GMDS: variants seen among roughly 807,000 people sequenced by gnomAD.
GMDS encodes GDP-mannose 4,6-dehydratase, also known as GDP-mannose 4,6 dehydratase.
GMDS carries 20 observed loss-of-function variants against 49.9 expected under a neutral mutation model. That is an observed-to-expected ratio of 0.40 (90% CI 0.28 to 0.58). The LOEUF (loss-of-function observed/expected upper bound fraction) is 0.58. Ranked by LOEUF, GMDS falls within the 20% of genes least tolerant of loss-of-function variation. GMDS has a pLI of 0.42. For missense variants in GMDS, 362 were observed against 481.4 expected (o/e 0.75, Z 2.32); for synonymous variants, 177 against 178.6 (o/e 0.99, Z 0.07).
rs182383970 is a variant in GMDS, at chr6:1,937,609, A to G, written c.644-7379T>C. Among the ~76,000 whole-genome samples, 87 of 152,278 alleles carry G rather than the reference A, an allele frequency of 5.7e-4. 1 individual carries two copies. Among genetic ancestry groups the G allele is most frequent in the African/African-American group, 2.0e-3 (82 of 41,580 alleles). ...ATGGCATTCCTTGGCTTGTGGTCCA[A>G]TCTCTGCCCCCATATTCACACCATA... On this transcript the variant is annotated intron_variant, in intron 6 of 10. Transcript: ENST00000380815.
At chr6:1,926,049 G>A (rs896657013) in intron 7 of GMDS, among the ~76,000 whole-genome samples, 10 of 152,048 alleles carry the variant, frequency 6.6e-5, no homozygotes, top group Admixed American at 6.6e-4. Context: ...CAGCCACTGA[G>A]AGACCCGACT....
At chr6:1,800,629 C>CT (rs879780270) in intron 7 of GMDS, among the ~76,000 whole-genome samples, 58 of 138,158 alleles carry the variant, frequency 4.2e-4, no homozygotes, top group African/African-American at 4.5e-4. Context: ...TTCTTTCTTT[C>CT]TTTTTTTTTT....
At chr6:1,999,971 T>A (rs1344473668) in intron 4 of GMDS, among the ~76,000 whole-genome samples, 1 of 6,452 alleles carries the variant, frequency 1.5e-4, no homozygotes, top group Non-Finnish European at 2.9e-4. Flanking sequence ...ATATATATAT[T>A]ATATATATAT....
At chr6:2,160,458 C>G (rs904357059) in intron 1 of GMDS, among the ~76,000 whole-genome samples, 1 of 152,220 alleles carries the variant, frequency 6.6e-6, no homozygotes, top group Non-Finnish European at 1.5e-5. Flanking sequence ...ACACCAAACT[C>G]CAACTTTATT....
At chr6:2,221,018 A>G (rs2127589649) in intron 1 of GMDS, among the ~76,000 whole-genome samples, 1 of 152,162 alleles carries the variant, frequency 6.6e-6, no homozygotes, top group East Asian at 1.9e-4. Flanking sequence ...CTATACAGAA[A>G]TTTTTTAATT....
At position 1,858,386 on chromosome 6, in the gene GMDS, G is replaced by A. The variant is rs142192047; in HGVS notation, c.771+71717C>T. On this transcript the variant is annotated intron_variant, in intron 7 of 10. Transcript: ENST00000380815. ...ACCTTACTTTATATTGTGTGCAGCTGTATGGCTTTGTACCAGGGACCAAAC... is the reference window on the plus strand; with the variant it reads ...ACCTTACTTTATATTGTGTGCAGCTATATGGCTTTGTACCAGGGACCAAAC... 9.9e-5 allele frequency among the ~76,000 whole-genome samples: 15 copies of A among 152,256 alleles called. No individual in the cohort carries two copies. In the East Asian group the frequency reaches 1.5e-3, roughly 16 times the overall value.
intron 7 of GMDS, among the ~76,000 whole-genome samples, chr6:1,832,302 G>A (rs566710067): frequency 2.6e-5 from 4 of 151,982 alleles, no homozygotes; most frequent in African/African-American, 9.6e-5. Context: ...GAGTCTGGAA[G>A]CTCCTCGAAC....
At chr6:2,050,556 C>T (rs890580755) in intron 4 of GMDS, among the ~76,000 whole-genome samples, 5 of 152,156 alleles carry the variant, frequency 3.3e-5, no homozygotes, top group African/African-American at 9.7e-5. Flanking sequence ...AATACCAAAG[C>T]ATAGCAGAGA....
intron 7 of GMDS, among the ~76,000 whole-genome samples, chr6:1,837,072 T>G (rs1756959416): frequency 6.6e-6 from 1 of 152,250 alleles, no homozygotes; most frequent in Admixed American, 6.5e-5. Flanking sequence ...TTTCAGAATG[T>G]TCAAATATGT....
chr6:1,848,226 C>T (rs901800822), intron 7 of GMDS, among the ~76,000 whole-genome samples: 3 of 152,284 alleles, frequency 2.0e-5, no homozygotes, highest in East Asian at 1.9e-4. Context: ...CATCATCTAC[C>T]GCTTGTAGAG....
At chr6:2,078,807 A>G (rs977055406) in intron 4 of GMDS, among the ~76,000 whole-genome samples, 2 of 152,018 alleles carry the variant, frequency 1.3e-5, no homozygotes, top group African/African-American at 4.8e-5. Flanking sequence ...ATAAAAGTTT[A>G]TAAATGTTTG....
intron 4 of GMDS, among the ~76,000 whole-genome samples, chr6:2,065,106 TCCCTGAC>T (rs1396235212): frequency 1.3e-5 from 2 of 151,984 alleles, no homozygotes; most frequent in Non-Finnish European, 2.9e-5. Context: ...CTCAAGTGGA[TCCCTGAC>T]CCCTGACCCC....
intron 6 of GMDS, among the ~76,000 whole-genome samples, chr6:1,947,679 A>G (rs978556148): frequency 6.6e-6 from 1 of 152,220 alleles, no homozygotes; most frequent in Non-Finnish European, 1.5e-5. Flanking sequence ...AATCTGGCTT[A>G]ATCTGGGAAT....
chr6:1,847,566 T>G (rs1386229859), intron 7 of GMDS, among the ~76,000 whole-genome samples: 1 of 152,182 alleles, frequency 6.6e-6, no homozygotes, highest in Admixed American at 6.5e-5. Flanking sequence ...TACTAATCTC[T>G]CCACACCAAT....
intron 9 of GMDS, among the ~76,000 whole-genome samples, chr6:1,692,072 C>T (rs965888426): frequency 1.3e-5 from 2 of 152,212 alleles, no homozygotes; most frequent in African/African-American, 2.4e-5. Context: ...GAAGGGCAGA[C>T]TTGCTGAGCC....
intron 4 of GMDS, among the ~76,000 whole-genome samples, chr6:2,051,682 T>C (rs937726461): frequency 6.6e-6 from 1 of 152,218 alleles, no homozygotes; most frequent in Non-Finnish European, 1.5e-5. Context: ...TATTTTTGTA[T>C]TCTTTGGAAG....
chr6:2,151,337 ATTTT>A (rs926758314), intron 1 of GMDS, among the ~76,000 whole-genome samples: 4 of 152,014 alleles, frequency 2.6e-5, no homozygotes, highest in Admixed American at 6.6e-5. Context: ...ACTTAAAACA[ATTTT>A]TTTATTTTAT....
chr6:1,693,812 A>G (rs2113343664), intron 9 of GMDS, among the ~76,000 whole-genome samples: 1 of 152,328 alleles, frequency 6.6e-6, no homozygotes, highest in Middle Eastern at 3.4e-3. Flanking sequence ...TTTCTCTGTT[A>G]TCATTTACTG....
chr6:2,240,131 A>G (rs1781545842), intron 1 of GMDS, among the ~76,000 whole-genome samples: 1 of 152,254 alleles, frequency 6.6e-6, no homozygotes, highest in Non-Finnish European at 1.5e-5. Context: ...CAGTCTTGAA[A>G]GACTCACTGG....
Sources: allele counts gnomAD v4.1 joint callset (sites outside exome capture counted in the v4.1 genomes callset), GRCh38; gene constraint gnomAD v4.1.1; transcripts MANE v1.5; gene names NCBI Gene and HGNC (gene_info 2026-07-23, HGNC 2026-07-21).